The following CNR2 variants were observed in gnomAD, a reference collection of about 807,000 sequenced individuals.
CNR2 encodes cannabinoid receptor 2.
For synonymous variants in CNR2, 172 were observed against 182.2 expected, an observed-to-expected ratio of 0.94 and a Z score of 0.45; for missense variants, 379 against 439.9, an observed-to-expected ratio of 0.86 and a Z score of 1.24.
intron 1 of CNR2, among the ~76,000 whole-genome samples, chr1:23,890,808 C>A (rs1384133429): frequency 6.6e-6 from 1 of 150,672 alleles, no homozygotes; most frequent in African/African-American, 2.4e-5. Flanking sequence ...CTGGCTGGGC[C>A]CCTGCTGCAG....
Position 23,911,856 on chromosome 1 carries a change from C to T in CNR2, c.-46+1390G>A, listed in dbSNP as rs548259053. Among the ~76,000 whole-genome samples, 7 of 152,210 alleles carry T rather than the reference C, an allele frequency of 4.6e-5. No homozygotes were observed. The South Asian group carries it at 1.5e-3, about 32-fold the overall frequency. On this transcript the variant is annotated intron_variant, in intron 1 of 1. Transcript: ENST00000374472. ...CACAAGGTGGTTACAGAGCTGGGGC[C>T]AGGATTATTGGGACTCCACCTCCTG...
chr1:23,902,054 T>G, intron 1 of CNR2: 1 of 1,567,948 alleles, frequency 6.4e-7, no homozygotes, highest in Non-Finnish European at 8.8e-7. Flanking sequence ...GCAGCGCCGT[T>G]GGCAAACTCC....
rs6699937 is a variant in CNR2, at chr1:23,874,367, G to C, written c.*168C>G. The C allele has an allele frequency of 4.5e-4, 333 of 736,848 alleles. 1 individual carries two copies. In the African/African-American group the frequency reaches 5.1e-3, roughly 11 times the overall value. 45.6% of individuals were successfully genotyped at this position (736,848 alleles called of 1,614,324 possible). ...AACAGACTGTGTGCAGGTGGGCAAG[G>C]CCAGGCTGTCTTCCAGGAGTCAGTC... is the stretch of plus-strand genomic sequence containing the variant. On this transcript the variant is annotated 3_prime_UTR_variant, in exon 2 of 2. Coordinates refer to ENST00000374472, the MANE Select transcript of CNR2 (RefSeq NM_001841.3).
chr1:23,904,607 C>T (rs1640457693), intron 1 of CNR2, among the ~76,000 whole-genome samples: 1 of 142,706 alleles, frequency 7.0e-6, no homozygotes, highest in African/African-American at 2.6e-5. Flanking sequence ...CTCTTTCACC[C>T]TGAGGGTAGC....
intron 1 of CNR2, among the ~76,000 whole-genome samples, chr1:23,911,240 C>T (rs1640578423): frequency 6.6e-6 from 1 of 151,712 alleles, no homozygotes; most frequent in Admixed American, 6.6e-5. Context: ...GGGAGGGGAC[C>T]GAGGTCTTGG....
chr1:23,889,572 C>A (rs965439824), intron 1 of CNR2, among the ~76,000 whole-genome samples: 1 of 152,182 alleles, frequency 6.6e-6, no homozygotes, highest in Non-Finnish European at 1.5e-5. Context: ...AGTCCTTCCA[C>A]CTCAGCCTCC....
At chr1:23,882,310 T>G (rs1397460665) in intron 1 of CNR2, among the ~76,000 whole-genome samples, 1 of 152,158 alleles carries the variant, frequency 6.6e-6, no homozygotes, top group African/African-American at 2.4e-5. Context: ...GTGTGAGATG[T>G]TCCTCAAACC....
At chr1:23,885,499 T>C (rs1256156952) in intron 1 of CNR2, among the ~76,000 whole-genome samples, 5 of 152,158 alleles carry the variant, frequency 3.3e-5, no homozygotes, top group Non-Finnish European at 1.5e-5. Flanking sequence ...CATGGAAGTG[T>C]TCATTGTTGC....
chr1:23,893,588 A>G (rs1640228267), intron 1 of CNR2, among the ~76,000 whole-genome samples: 1 of 152,212 alleles, frequency 6.6e-6, no homozygotes, highest in African/African-American at 2.4e-5. Context: ...TGAGTTCGGA[A>G]TCTCAGGTGC....
rs1639785042 is a variant in CNR2 at position 23,872,757 on chromosome 1, T to C, written c.*1778A>G. Reference sequence around the variant, plus strand: ...AACACTTAGCCCCCTGCCTGGCACATAGTAAAGGCTCAATAAAAGTGAGCC... The same window carrying C: ...AACACTTAGCCCCCTGCCTGGCACACAGTAAAGGCTCAATAAAAGTGAGCC... On this transcript the variant is annotated 3_prime_UTR_variant, in exon 2 of 2. Transcript: ENST00000374472. 6.6e-6 allele frequency: 1 copy of C among 152,180 alleles called. No homozygotes were observed. Among genetic ancestry groups the C allele is most frequent in the Non-Finnish European group, 1.5e-5 (1 of 68,024 alleles). The allele number at this position is 152,180 out of a possible 1,614,324, so 9.4% of individuals were successfully genotyped here.
At chr1:23,909,856 A>G (rs1421041603) in intron 1 of CNR2, among the ~76,000 whole-genome samples, 2 of 151,742 alleles carry the variant, frequency 1.3e-5, no homozygotes, top group Non-Finnish European at 2.9e-5. Context: ...CCGTTCTCCT[A>G]TTTTGATTCC....
chr1:23,892,233 T>C (rs1164841961), intron 1 of CNR2, among the ~76,000 whole-genome samples: 2 of 152,020 alleles, frequency 1.3e-5, no homozygotes. Context: ...ACTCCTAAAA[T>C]GGGTTTGGCA....
chr1:23,884,441 G>A (rs1640051569), intron 1 of CNR2, among the ~76,000 whole-genome samples: 1 of 86,716 alleles, frequency 1.2e-5, no homozygotes, highest in South Asian at 3.5e-4. Flanking sequence ...AAGTAGCTGG[G>A]ATTACAGGCA....
rs139756160 is a variant in CNR2 at position 23,875,289 on chromosome 1, A to G, written c.329T>C (p.Ile110Thr). The G allele has an allele frequency of 2.5e-4, 404 of 1,614,214 alleles. No homozygotes were observed. The highest frequency in any genetic ancestry group is 3.3e-4 in the Middle Eastern group (2 of 6,062). ...VDSKAVFLLK[I>T]GSVTMTFTAS... ...TGTGAAGGTCATAGTCACGCTGCCA[A>G]TCTTCAGCAGGAAGACAGCCTTGGA... is the stretch of plus-strand genomic sequence containing the variant. Residue 110 changes from isoleucine to threonine, a missense_variant, in exon 2 of 2, where the codon ATT becomes ACT. By Grantham distance (89) the Ile-to-Thr change is moderately conservative. Transcript: ENST00000374472.
intron 1 of CNR2, among the ~76,000 whole-genome samples, chr1:23,887,681 A>G (rs1640114512): frequency 6.6e-6 from 1 of 152,130 alleles, no homozygotes; most frequent in South Asian, 2.1e-4. Flanking sequence ...TCCAGGGTGA[A>G]GACTGTGTCT....
chr1:23,876,552 T>C (rs1639877605), intron 1 of CNR2, among the ~76,000 whole-genome samples: 1 of 151,608 alleles, frequency 6.6e-6, no homozygotes, highest in African/African-American at 2.4e-5. Flanking sequence ...AATTTGAATG[T>C]TGGCTGGGCA....
chr1:23,876,252 G>T (rs1368353996), intron 1 of CNR2, among the ~76,000 whole-genome samples: 1 of 151,434 alleles, frequency 6.6e-6, no homozygotes, highest in East Asian at 1.9e-4. Flanking sequence ...TGTTGCCCAG[G>T]CTGGAGTGCA....
intron 1 of CNR2, among the ~76,000 whole-genome samples, chr1:23,891,417 G>A (rs1178829704): frequency 6.6e-6 from 1 of 151,606 alleles, no homozygotes; most frequent in Non-Finnish European, 1.5e-5. Flanking sequence ...TCAGGAGTTC[G>A]AGACCAGCCT....
intron 1 of CNR2, among the ~76,000 whole-genome samples, chr1:23,910,260 C>T (rs937986415): frequency 3.3e-5 from 5 of 151,574 alleles, no homozygotes; most frequent in African/African-American, 1.2e-4. Context: ...CATGCCCGGC[C>T]CCTTGGATAA....
Sources: gnomAD v4.1 joint callset for allele counts (sites outside exome capture counted in the v4.1 genomes callset) on GRCh38, gnomAD v4.1.1 for gene constraint, MANE v1.5 for transcripts, NCBI Gene and HGNC (gene_info 2026-07-23, HGNC 2026-07-21) for gene names.